Variants in INTS8 observed in about 807,000 individuals in gnomAD.
INTS8 encodes protein kaonashi-1.
In INTS8, 47 loss-of-function variants were observed where a neutral mutation model predicts 138.9. That is an observed-to-expected ratio of 0.34 (90% CI 0.27 to 0.43). INTS8 has a LOEUF of 0.43. Among genes scored for constraint, INTS8 ranks in the 20% least tolerant of loss-of-function variants. INTS8 has a pLI of 1.00. For synonymous variants in INTS8, 392 were observed against 400.9 expected, an observed-to-expected ratio of 0.98 and a Z score of 0.27; for missense variants, 996 against 1,173.0, an observed-to-expected ratio of 0.85 and a Z score of 2.20.
At chr8:94,840,385 C>T (rs1194977223) in intron 8 of INTS8, among the ~76,000 whole-genome samples, 1 of 152,178 alleles carries the variant, frequency 6.6e-6, no homozygotes, top group Non-Finnish European at 1.5e-5. Context: ...TCCCCCTCCT[C>T]TCGTTAACAC....
chr8:94,865,602 T>C lies in INTS8; in HGVS notation c.2173T>C (p.Cys725Arg). 1.2e-6 allele frequency: 2 copies of C among 1,614,162 alleles called. No individual in the cohort carries two copies. The highest frequency in any genetic ancestry group is 1.7e-6 in the Non-Finnish European group (2 of 1,179,982). Residue 725 changes from cysteine (C) to arginine (R), a missense_variant, in exon 17 of 27, where the codon TGT becomes CGT. Coordinates refer to ENST00000523731, the MANE Select transcript of INTS8 (RefSeq NM_017864.4). The stretch of plus-strand genomic sequence containing the variant: ...CCTTTGGGAAGTTGTTGTTCAAATC[T>C]GTAGTGTGTCCAGTCAGCACAAACG... Reference protein sequence around the residue: ...KDLWEVVVQICSVSSQHKRGN... With the variant: ...KDLWEVVVQIRSVSSQHKRGN...
chr8:94,876,239 C>G lies in INTS8; in HGVS notation c.2781C>G (p.Ser927=). Residue 927 remains serine, a synonymous_variant, in exon 25 of 27, where the codon TCC becomes TCG. Transcript: ENST00000523731. ...CTTTCAGTCATGATGCTATGGACTC[C>G]TACTACGACTACATATGGGATGTTA... ...QEQNSHDAMD[S]YYDYIWDVTI... is the part of the protein sequence containing the mutation. The G allele has an allele frequency of 6.2e-7, 1 of 1,612,266 alleles. No individual in the cohort carries two copies. Among genetic ancestry groups the G allele is most frequent in the Non-Finnish European group, 8.5e-7 (1 of 1,178,810 alleles).
At chr8:94,833,213 GA>G (rs1421023450) in intron 6 of INTS8, among the ~76,000 whole-genome samples, 5 of 151,930 alleles carry the variant, frequency 3.3e-5, no homozygotes, top group African/African-American at 9.7e-5. Flanking sequence ...TCCTTTTCTG[GA>G]AAGGGGTAAA....
intron 15 of INTS8, among the ~76,000 whole-genome samples, chr8:94,857,316 CCCT>C: frequency 6.6e-6 from 1 of 152,202 alleles, no homozygotes; most frequent in East Asian, 1.9e-4. Context: ...AGGTGATCCA[CCCT>C]CCTCGCCCTC....
rs192800066 is a variant in INTS8 at position 94,865,433 on chromosome 8, G to A, written c.2077-73G>A. The A allele has an allele frequency of 7.2e-5, 86 of 1,191,154 alleles. No individual in the cohort carries two copies. In the African/African-American group the frequency reaches 1.1e-3, roughly 16 times the overall value. The allele number at this position is 1,191,154 out of a possible 1,614,324, so 73.8% of individuals were successfully genotyped here. On this transcript the variant is annotated intron_variant, in intron 16 of 26. Transcript: ENST00000523731. The stretch of plus-strand genomic sequence containing the variant: ...GCAGTCATTCCATCTTTCCTCCAGT[G>A]TGCCTTGATAATAGAACTAATGTGC...
At chr8:94,852,145 G>T (rs1354625824) in intron 13 of INTS8, among the ~76,000 whole-genome samples, 1 of 152,050 alleles carries the variant, frequency 6.6e-6, no homozygotes, top group African/African-American at 2.4e-5. Flanking sequence ...GTTTCACCAT[G>T]TTGGCCAGGA....
At chr8:94,832,965 T>C (rs902489914) in intron 6 of INTS8, among the ~76,000 whole-genome samples, 3 of 152,014 alleles carry the variant, frequency 2.0e-5, no homozygotes, top group Non-Finnish European at 2.9e-5. Context: ...TTGTCAGATA[T>C]TACTTTGTGT....
chr8:94,877,715 C>T (rs1816612809), intron 26 of INTS8, among the ~76,000 whole-genome samples: 1 of 152,182 alleles, frequency 6.6e-6, no homozygotes, highest in African/African-American at 2.4e-5. Flanking sequence ...GTACCAGCCA[C>T]TCACACCCAA....
intron 13 of INTS8, among the ~76,000 whole-genome samples, chr8:94,852,490 T>TA (rs1815581304): frequency 6.6e-6 from 1 of 152,106 alleles, no homozygotes; most frequent in African/African-American, 2.4e-5. Context: ...AATCGACAGA[T>TA]ACAGGAGAAA....
intron 10 of INTS8, among the ~76,000 whole-genome samples, chr8:94,848,794 C>T (rs960295683): frequency 1.3e-5 from 2 of 151,958 alleles, no homozygotes; most frequent in Admixed American, 6.6e-5. Context: ...TGTGTGTCAA[C>T]GTAAAAAATA....
At chr8:94,870,045 T>TTTTA (rs1045390711) in intron 20 of INTS8, among the ~76,000 whole-genome samples, 1 of 151,644 alleles carries the variant, frequency 6.6e-6, no homozygotes, top group Non-Finnish European at 1.5e-5. Context: ...AATAATATAT[T>TTTTA]TTTATTTATT....
chr8:94,846,871 C>T (rs892180956), intron 10 of INTS8, among the ~76,000 whole-genome samples: 1 of 152,110 alleles, frequency 6.6e-6, no homozygotes, highest in Non-Finnish European at 1.5e-5. Flanking sequence ...TCTCTCCTTA[C>T]CTGTTCATGT....
chr8:94,847,093 T>C (rs1244503854), intron 10 of INTS8, among the ~76,000 whole-genome samples: 1 of 152,130 alleles, frequency 6.6e-6, no homozygotes, highest in Admixed American at 6.5e-5. Context: ...CAAACTGGAG[T>C]GCAGTGGCGC....
At chr8:94,878,491 C>T (rs1210402535) in intron 26 of INTS8, among the ~76,000 whole-genome samples, 5 of 152,108 alleles carry the variant, frequency 3.3e-5, no homozygotes, top group Admixed American at 2.0e-4. Context: ...TACAGCTGTA[C>T]TCATTGTTAA....
intron 15 of INTS8, among the ~76,000 whole-genome samples, chr8:94,858,895 A>C (rs988158780): frequency 6.6e-6 from 1 of 152,230 alleles, no homozygotes; most frequent in Non-Finnish European, 1.5e-5. Context: ...ATAGCTCTGC[A>C]TATAATTTTT....
rs1029799475 is a variant in INTS8 at position 94,829,015 on chromosome 8, A to G, written c.559A>G (p.Ile187Val). 2.9e-5 allele frequency: 46 copies of G among 1,599,370 alleles called. No individual in the cohort carries two copies. Among genetic ancestry groups the G allele is most frequent in the Non-Finnish European group, 3.6e-5 (42 of 1,172,180 alleles). Residue 187 changes from isoleucine to valine, a missense_variant, in exon 5 of 27, where the codon ATT becomes GTT. Coordinates refer to ENST00000523731, the MANE Select transcript of INTS8 (RefSeq NM_017864.4). ...MQQEKELTENILKVLKEQAAD... is the reference protein window; with the variant it reads ...MQQEKELTENVLKVLKEQAAD... ...ACAGGAAAAAGAGCTAACAGAAAAC[A>G]TTTTGAAAGTGGTAAGTATTGGCAT... is the stretch of plus-strand genomic sequence containing the variant.
intron 15 of INTS8, 86 bp downstream of exon 15, chr8:94,857,064 TTGTAATC>T: frequency 3.0e-6 from 3 of 1,008,078 alleles, no homozygotes; most frequent in Non-Finnish European, 2.9e-6. Flanking sequence ...TTATTTGAGT[TTGTAATC>T]TTTTTTTTTT....
chr8:94,838,042 TTC>T (rs1814995435), intron 7 of INTS8, among the ~76,000 whole-genome samples: 1 of 148,644 alleles, frequency 6.7e-6, no homozygotes, highest in African/African-American at 2.5e-5. Context: ...AATTTTTCTT[TTC>T]TTTTTTTTTT....
chr8:94,859,767 A>G (rs1815884900), intron 16 of INTS8, 135 bp downstream of exon 16: 2 of 647,580 alleles, frequency 3.1e-6, no homozygotes, highest in South Asian at 4.0e-5. Context: ...TTTGTAGTTA[A>G]AGGATAGAGT....
Sources: gnomAD v4.1 joint callset for allele counts (sites outside exome capture counted in the v4.1 genomes callset) on GRCh38, gnomAD v4.1.1 for gene constraint, MANE v1.5 for transcripts, NCBI Gene and HGNC (gene_info 2026-07-23, HGNC 2026-07-21) for gene names.